Variants in OMA1 observed in about 807,000 individuals in gnomAD.
OMA1 encodes metalloendopeptidase OMA1, mitochondrial.
Under a neutral mutation model 30.9 loss-of-function variants are expected in OMA1, and 38 were observed. That is an observed-to-expected ratio of 1.23 (90% CI 0.95 to 1.61). The LOEUF is 1.61. OMA1 is among the 40% of genes most tolerant of loss of function. The pLI, the probability that OMA1 is intolerant of heterozygous loss-of-function variation, is 0.00. For synonymous variants in OMA1, 173 were observed against 121.9 expected (o/e 1.42, Z -2.76); for missense variants, 461 against 349.2 (o/e 1.32, Z -2.55).
At chr1:58,504,902 T>C (rs1342934719) in intron 8 of OMA1, among the ~76,000 whole-genome samples, 2 of 152,200 alleles carry the variant, frequency 1.3e-5, no homozygotes, top group Non-Finnish European at 2.9e-5. Context: ...CATTTCTTTC[T>C]TTTAAGAGGT....
At chr1:58,510,215 A>G (rs1241884401) in intron 7 of OMA1, among the ~76,000 whole-genome samples, 1 of 152,070 alleles carries the variant, frequency 6.6e-6, no homozygotes, top group African/African-American at 2.4e-5. Context: ...GATGAACATA[A>G]ATACAAAAAT....
At chr1:58,525,003 C>A (rs1192781919) in intron 7 of OMA1, among the ~76,000 whole-genome samples, 1 of 152,152 alleles carries the variant, frequency 6.6e-6, no homozygotes, top group Non-Finnish European at 1.5e-5. Flanking sequence ...AAGAGTAGTA[C>A]CATAGGTACC....
chr1:58,520,804 T>C (rs999636895), intron 7 of OMA1, among the ~76,000 whole-genome samples: 5 of 152,110 alleles, frequency 3.3e-5, no homozygotes, highest in African/African-American at 1.2e-4. Context: ...TTTTAAGATG[T>C]ACACGGCAAA....
At chr1:58,485,185 A>C (rs1288094661) in intron 8 of OMA1, among the ~76,000 whole-genome samples, 1 of 148,676 alleles carries the variant, frequency 6.7e-6, no homozygotes, top group Non-Finnish European at 1.5e-5. Context: ...CTACTCAATT[A>C]AAAGTTGAAG....
chr1:58,541,565 CA>C (rs1646615809), intron 1 of OMA1: 1 of 109,156 alleles, frequency 9.2e-6, no homozygotes, highest in Admixed American at 1.4e-4. Flanking sequence ...TGCAGTGAGC[CA>C]AAATTGTGCC....
chr1:58,490,852 C>T (rs1453941699), intron 8 of OMA1, among the ~76,000 whole-genome samples: 5 of 120,968 alleles, frequency 4.1e-5, no homozygotes, highest in Non-Finnish European at 8.0e-5. Flanking sequence ...CTCGCCCAGG[C>T]TGGAGTGCAG....
At chr1:58,494,659 C>T (rs2100388200) in intron 8 of OMA1, among the ~76,000 whole-genome samples, 1 of 152,064 alleles carries the variant, frequency 6.6e-6, no homozygotes, top group East Asian at 1.9e-4. Context: ...CCAAAAGACA[C>T]ATGAAAAAAT....
chr1:58,501,311 A>G (rs893391197), intron 8 of OMA1, among the ~76,000 whole-genome samples: 2 of 152,128 alleles, frequency 1.3e-5, no homozygotes, highest in Non-Finnish European at 2.9e-5. Context: ...GAACTCATCT[A>G]TTTTCTGAAC....
intron 8 of OMA1, among the ~76,000 whole-genome samples, chr1:58,499,435 T>C (rs1009626979): frequency 6.6e-6 from 1 of 150,868 alleles, no homozygotes; most frequent in Non-Finnish European, 1.5e-5. Flanking sequence ...CAGTGAACTA[T>C]GATTCCACCA....
rs1165375492 is a variant in OMA1 at position 58,533,948 on chromosome 1, C to T, written c.1011+5G>A. 1.1e-6 allele frequency: 1 copy of T among 871,734 alleles called. No individual in the cohort carries two copies. The highest frequency in any genetic ancestry group is 2.0e-6 in the Non-Finnish European group (1 of 501,028). 54.0% of individuals were successfully genotyped at this position (871,734 alleles called of 1,614,324 possible). ...CAAACCTGAACATTCATTTTAGGTA[C>T]TTACAGCATGCCCAAGTACTGCATG... On this transcript the variant is annotated splice_donor_5th_base_variant and intron_variant, in intron 5 of 8. Transcript: ENST00000371226.
At chr1:58,545,386 G>T (rs1023425569) in intron 1 of OMA1, among the ~76,000 whole-genome samples, 1 of 152,090 alleles carries the variant, frequency 6.6e-6, no homozygotes, top group African/African-American at 2.4e-5. Context: ...GTGTCGTTTT[G>T]AATAGAAACA....
At chr1:58,483,149 A>T (rs1645517579) in intron 8 of OMA1, among the ~76,000 whole-genome samples, 1 of 152,152 alleles carries the variant, frequency 6.6e-6, no homozygotes, top group Non-Finnish European at 1.5e-5. Flanking sequence ...AGCTCTTGCC[A>T]CTAGCCTGCC....
chr1:58,483,943 G>C (rs972612078), intron 8 of OMA1, among the ~76,000 whole-genome samples: 6 of 152,222 alleles, frequency 3.9e-5, no homozygotes, highest in African/African-American at 1.4e-4. Context: ...TAAAGGGGGA[G>C]AGTATGGAGT....
At position 58,537,062 on chromosome 1, in the gene OMA1, T is replaced by TTCTCTCTCTCTC. The variant is rs150887072; in HGVS notation, c.501-333_501-322dup. ...TTATTACTATCTAGTACATGCAAAATTCTCTCTCTCTCTCTCTCTCTCTGT... is the reference window on the plus strand; with the variant it reads ...TTATTACTATCTAGTACATGCAAAATTCTCTCTCTCTCTCTCTCTCTCTCTCTCTCTCTCTGT... On this transcript the variant is annotated intron_variant, in intron 2 of 8. Transcript: ENST00000371226. Among the ~76,000 whole-genome samples, 35 of 145,912 alleles carry TTCTCTCTCTCTC rather than the reference T, an allele frequency of 2.4e-4. No individual in the cohort carries two copies. In the East Asian group the frequency reaches 3.6e-3, roughly 15 times the overall value.
At chr1:58,530,298 G>T (rs1422120491) in intron 6 of OMA1, among the ~76,000 whole-genome samples, 1 of 152,184 alleles carries the variant, frequency 6.6e-6, no homozygotes, top group Admixed American at 6.5e-5. Flanking sequence ...ACGAAAGGAA[G>T]GGTCAGTGGC....
Position 58,538,900 on chromosome 1 carries a change from G to C in OMA1, c.395C>G (p.Ala132Gly). 1.1e-6 allele frequency: 1 copy of C among 872,850 alleles called. No individual in the cohort carries two copies. The highest frequency in any genetic ancestry group is 1.3e-5 in the South Asian group (1 of 76,530). The allele number at this position is 872,850 out of a possible 1,614,324, so 54.1% of individuals were successfully genotyped here. A position where few individuals can be genotyped will look rare whatever the true frequency, so the allele number is the denominator to read the frequency against. Residue 132 changes from alanine (A) to glycine (G), a missense_variant, in exon 2 of 9, where the codon GCT becomes GGT. Ala to Gly is a moderately conservative substitution (Grantham distance 60, BLOSUM62 0). Coordinates refer to ENST00000371226, the MANE Select transcript of OMA1 (RefSeq NM_145243.5). ...TGGAGAAGTATGGAAATTCCTAATAGCTCTTATGGAAGCAGGGCTTAGAGG... is the reference window on the plus strand; with the variant it reads ...TGGAGAAGTATGGAAATTCCTAATACCTCTTATGGAAGCAGGGCTTAGAGG... The part of the protein sequence containing the change: ...LHPLSPASIR[A>G]IRNFHTSPRF...
intron 1 of OMA1, among the ~76,000 whole-genome samples, chr1:58,543,233 G>T (rs981506394): frequency 5.3e-5 from 8 of 152,130 alleles, no homozygotes; most frequent in African/African-American, 1.9e-4. Context: ...CGTTTACATG[G>T]TATAAAACAG....
Position 58,543,338 on chromosome 1 carries a change from A to C in OMA1, c.-17+3365T>G, listed in dbSNP as rs190479867. Among the ~76,000 whole-genome samples the C allele has an allele frequency of 2.4e-3, 365 of 152,342 alleles. 2 individuals carry two copies. Among genetic ancestry groups the C allele is most frequent in the Middle Eastern group, 3.4e-3 (1 of 294 alleles). On this transcript the variant is annotated intron_variant, in intron 1 of 8. Coordinates refer to ENST00000371226, the MANE Select transcript of OMA1 (RefSeq NM_145243.5). ...GGTTCCTCCTACACTTTGCAAAGCCAAATTTACCAATTTTCAACATTTAAT... is the reference window on the plus strand; with the variant it reads ...GGTTCCTCCTACACTTTGCAAAGCCCAATTTACCAATTTTCAACATTTAAT...
chr1:58,509,170 G>C (rs1211369650), intron 7 of OMA1, among the ~76,000 whole-genome samples: 1 of 152,024 alleles, frequency 6.6e-6, no homozygotes, highest in Non-Finnish European at 1.5e-5. Context: ...AAAATAAACA[G>C]AGAAATATGT....
Sources: allele counts gnomAD v4.1 joint callset (sites outside exome capture counted in the v4.1 genomes callset), GRCh38; gene constraint gnomAD v4.1.1; transcripts MANE v1.5; gene names NCBI Gene and HGNC (gene_info 2026-07-23, HGNC 2026-07-21).